The following CDC42EP3 variants were observed in gnomAD, a reference collection of about 807,000 sequenced individuals.
CDC42EP3 encodes the protein CDC42 effector protein 3.
CDC42EP3 carries 4 observed loss-of-function variants against 15.5 expected under a neutral mutation model. That is an observed-to-expected ratio of 0.26 (90% CI 0.13 to 0.59). The LOEUF is 0.59. CDC42EP3 is among the 20% of genes least tolerant of loss of function. The pLI, the probability that CDC42EP3 is intolerant of heterozygous loss-of-function variation, is 0.89. For synonymous variants in CDC42EP3, 145 were observed against 130.3 expected, an observed-to-expected ratio of 1.11 and a Z score of -0.77; for missense variants, 309 against 311.2, an observed-to-expected ratio of 0.99 and a Z score of 0.05.
At chr2:37,650,948 C>G (rs1434289721) in intron 1 of CDC42EP3, among the ~76,000 whole-genome samples, 3 of 152,164 alleles carry the variant, frequency 2.0e-5, no homozygotes, top group Admixed American at 2.0e-4. Context: ...AGAGAAATAA[C>G]AAGGCTGTTC....
At position 37,646,033 on chromosome 2, in the gene CDC42EP3, T is replaced by C. The variant is rs2124607534; in HGVS notation, c.555A>G (p.Arg185=). ...SGSASQSSQG[R]DSHSSSLSEQ... ...CGGACAGGCTGGAGGAGTGGCTGTCTCTGCCTTGGCTGGACTGAGATGCAG... is the reference window on the plus strand; with the variant it reads ...CGGACAGGCTGGAGGAGTGGCTGTCCCTGCCTTGGCTGGACTGAGATGCAG... Residue 185 remains arginine, a synonymous_variant, in exon 2 of 2, where the codon AGA becomes AGG. Transcript: ENST00000295324. 6.2e-7 allele frequency: 1 copy of C among 1,614,056 alleles called. No homozygotes were observed. Among genetic ancestry groups the C allele is most frequent in the Non-Finnish European group, 8.5e-7 (1 of 1,179,966 alleles).
chr2:37,660,386 A>G (rs1666016859), intron 1 of CDC42EP3, among the ~76,000 whole-genome samples: 1 of 152,176 alleles, frequency 6.6e-6, no homozygotes, highest in Admixed American at 6.5e-5. Flanking sequence ...ATTCACACCT[A>G]CATGCATCGG....
chr2:37,660,123 T>C (rs1666009705), intron 1 of CDC42EP3, among the ~76,000 whole-genome samples: 1 of 152,214 alleles, frequency 6.6e-6, no homozygotes, highest in South Asian at 2.1e-4. Flanking sequence ...CATTATCTTT[T>C]CCCCAAATGA....
intron 1 of CDC42EP3, among the ~76,000 whole-genome samples, chr2:37,657,296 C>T (rs1045555451): frequency 2.0e-5 from 3 of 152,156 alleles, no homozygotes; most frequent in African/African-American, 4.8e-5. Context: ...GAAGTCTACT[C>T]GAATGCACCT....
intron 1 of CDC42EP3, among the ~76,000 whole-genome samples, chr2:37,649,359 G>A (rs1403164576): frequency 6.7e-6 from 1 of 148,902 alleles, no homozygotes; most frequent in African/African-American, 2.5e-5. Flanking sequence ...GGAGGCTGAG[G>A]TGGGAGGACT....
chr2:37,669,265 A>T (rs1223722486), intron 1 of CDC42EP3, among the ~76,000 whole-genome samples: 3 of 150,456 alleles, frequency 2.0e-5, no homozygotes, highest in Non-Finnish European at 3.0e-5. Flanking sequence ...TCTTTGGGTG[A>T]TACAGGTGAA....
At chr2:37,660,871 C>T (rs144233667) in intron 1 of CDC42EP3, among the ~76,000 whole-genome samples, 132 of 151,710 alleles carry the variant, frequency 8.7e-4, no homozygotes, top group African/African-American at 3.0e-3. Context: ...AGGGAGTGTG[C>T]ACAACTAACC....
At chr2:37,670,500 TTA>T (rs1276555403) in intron 1 of CDC42EP3, among the ~76,000 whole-genome samples, 21 of 150,990 alleles carry the variant, frequency 1.4e-4, no homozygotes, top group African/African-American at 5.1e-4. Flanking sequence ...TTTTTTTTTT[TTA>T]AACAAAATGT....
At chr2:37,650,721 C>T (rs1665643882) in intron 1 of CDC42EP3, among the ~76,000 whole-genome samples, 1 of 152,196 alleles carries the variant, frequency 6.6e-6, no homozygotes, top group Non-Finnish European at 1.5e-5. Context: ...TGTCTGCTCC[C>T]TAATTATGAA....
At chr2:37,664,123 G>A (rs150914783) in intron 1 of CDC42EP3, among the ~76,000 whole-genome samples, 81 of 152,212 alleles carry the variant, frequency 5.3e-4, no homozygotes, top group African/African-American at 1.4e-3. Context: ...GCAGTGAGCC[G>A]AGACTGCGCC....
chr2:37,662,253 G>A (rs142060883), intron 1 of CDC42EP3, among the ~76,000 whole-genome samples: 3 of 152,286 alleles, frequency 2.0e-5, no homozygotes, highest in African/African-American at 7.2e-5. Flanking sequence ...CCCCATCTGT[G>A]AAGTGCAAAT....
At chr2:37,670,959 G>A (rs1666395746) in intron 1 of CDC42EP3, among the ~76,000 whole-genome samples, 1 of 148,736 alleles carries the variant, frequency 6.7e-6, no homozygotes, top group Non-Finnish European at 1.5e-5. Context: ...GCAGGTTGGC[G>A]CCCCACTAAC....
chr2:37,669,812 G>A (rs1666350949), intron 1 of CDC42EP3, among the ~76,000 whole-genome samples: 1 of 152,186 alleles, frequency 6.6e-6, no homozygotes, highest in African/African-American at 2.4e-5. Context: ...CATTCTTTGG[G>A]AGACTTTATG....
At chr2:37,652,083 G>A (rs995319869) in intron 1 of CDC42EP3, among the ~76,000 whole-genome samples, 2 of 140,850 alleles carry the variant, frequency 1.4e-5, no homozygotes, top group African/African-American at 2.6e-5. Context: ...GCTGAGGCAG[G>A]AGAATGGCAT....
intron 1 of CDC42EP3, among the ~76,000 whole-genome samples, chr2:37,665,937 C>G (rs548655502): frequency 6.6e-6 from 1 of 152,228 alleles, no homozygotes; most frequent in East Asian, 1.9e-4. Flanking sequence ...ACAAGAAAAC[C>G]CCAAGAGGTC....
intron 1 of CDC42EP3, among the ~76,000 whole-genome samples, chr2:37,668,634 G>A (rs1302221785): frequency 6.6e-6 from 1 of 152,192 alleles, no homozygotes; most frequent in East Asian, 1.9e-4. Context: ...CACATATTGT[G>A]TTGTTAAACT....
chr2:37,661,886 C>T (rs1398284572), intron 1 of CDC42EP3, among the ~76,000 whole-genome samples: 2 of 151,918 alleles, frequency 1.3e-5, no homozygotes, highest in African/African-American at 4.8e-5. Context: ...TTTTCTTTTC[C>T]TTGGCTTAAA....
intron 1 of CDC42EP3, among the ~76,000 whole-genome samples, chr2:37,668,757 T>C (rs967563417): frequency 6.6e-6 from 1 of 152,240 alleles, no homozygotes; most frequent in African/African-American, 2.4e-5. Context: ...TTTCATTAGA[T>C]GATTGCTAGA....
intron 1 of CDC42EP3, among the ~76,000 whole-genome samples, chr2:37,654,137 C>T (rs1430986646): frequency 1.3e-5 from 2 of 152,168 alleles, no homozygotes; most frequent in Admixed American, 1.3e-4. Context: ...TACCCTCCGC[C>T]GCCTCCCTAC....
Sources: allele counts gnomAD v4.1 joint callset (sites outside exome capture counted in the v4.1 genomes callset), GRCh38; gene constraint gnomAD v4.1.1; transcripts MANE v1.5; gene names NCBI Gene and HGNC (gene_info 2026-07-23, HGNC 2026-07-21).